PAK3: variants seen among roughly 807,000 people sequenced by gnomAD.
PAK3 encodes the protein serine/threonine-protein kinase PAK 3.
PAK3 carries 4 observed loss-of-function variants against 41.0 expected under a neutral mutation model. That is an observed-to-expected ratio of 0.10 (90% confidence interval 0.05 to 0.22). The LOEUF (loss-of-function observed/expected upper bound fraction) is 0.22. PAK3 is among the 10% of genes least tolerant of loss of function. The pLI, the probability that PAK3 is intolerant of heterozygous loss-of-function variation, is 1.00. For synonymous variants in PAK3, 146 were observed against 139.6 expected (o/e 1.05, Z -0.32); for missense variants, 205 against 409.9 (o/e 0.50, Z 4.32).
intron 1 of PAK3, among the ~76,000 whole-genome samples, chrX:110,961,300 T>G (rs1209054140): frequency 8.9e-6 from 1 of 111,844 alleles, no homozygotes; most frequent in Non-Finnish European, 1.9e-5. Context: ...TCCCTGTAAA[T>G]TGCTTGGAAA....
chrX:111,135,715 G>A (rs2093779989), intron 5 of PAK3, among the ~76,000 whole-genome samples: 1 of 111,711 alleles, frequency 9.0e-6, no homozygotes, highest in Non-Finnish European at 1.9e-5. Flanking sequence ...CAGAAAAGTA[G>A]CCATTGGTCA....
intron 1 of PAK3, among the ~76,000 whole-genome samples, chrX:111,029,024 C>A (rs2092308963): frequency 9.0e-6 from 1 of 111,404 alleles, no homozygotes; most frequent in Admixed American, 9.6e-5. Context: ...GTAATCCCAG[C>A]TATTTGAGAG....
chrX:111,189,548 A>G (rs978657074), intron 11 of PAK3, among the ~76,000 whole-genome samples: 2 of 111,795 alleles, frequency 1.8e-5, no homozygotes, highest in Non-Finnish European at 3.8e-5. Flanking sequence ...CCAGCAGGGT[A>G]TAAGTGTTCT....
At chrX:111,196,854 CT>C (rs375476309) in intron 16 of PAK3, among the ~76,000 whole-genome samples, 6,979 of 79,043 alleles carry the variant, frequency 0.088, 560 homozygotes, top group African/African-American at 0.26. Flanking sequence ...TTCTTTCTTT[CT>C]TTTTTTTTTT....
chrX:111,152,613 A>G (rs1430517654), intron 8 of PAK3, 166 bp downstream of exon 8: 1 of 415,296 alleles, frequency 2.4e-6, no homozygotes, highest in Non-Finnish European at 4.3e-6. Context: ...CAGTTCAATG[A>G]GTTTTGGTAA....
chrX:111,190,285 C>T (rs1250897278), intron 11 of PAK3, among the ~76,000 whole-genome samples: 1 of 111,440 alleles, frequency 9.0e-6, no homozygotes, highest in Non-Finnish European at 1.9e-5. Flanking sequence ...ATTTCCTGTA[C>T]TTTAAAAGCA....
At chrX:111,168,094 C>T (rs192285512) in intron 10 of PAK3, among the ~76,000 whole-genome samples, 16,177 of 110,882 alleles carry the variant, frequency 0.15, 2,455 homozygotes, top group African/African-American at 0.46. Flanking sequence ...TTTACTTTTT[C>T]TCAGAAATCA....
chrX:111,197,929 A>G (rs1236610881), intron 16 of PAK3, among the ~76,000 whole-genome samples: 1 of 112,141 alleles, frequency 8.9e-6, no homozygotes, highest in Non-Finnish European at 1.9e-5. Context: ...TCCTGGCCTC[A>G]AGTGATTGAC....
At chrX:111,033,633 G>C (rs780575933) in intron 1 of PAK3, among the ~76,000 whole-genome samples, 1 of 111,923 alleles carries the variant, frequency 8.9e-6, no homozygotes, top group African/African-American at 3.2e-5. Context: ...AGGAAAGGCT[G>C]GGGTGTCTGC....
intron 11 of PAK3, among the ~76,000 whole-genome samples, chrX:111,179,458 A>G (rs1333270989): frequency 9.0e-6 from 1 of 111,418 alleles, no homozygotes; most frequent in South Asian, 3.8e-4. Context: ...CTTACACAAA[A>G]ATAGGGAAAA....
chrX:111,107,769 T>C lies in PAK3; in HGVS notation c.-28+4463T>C, dbSNP rs145165586. On this transcript the variant is annotated intron_variant, in intron 4 of 17. Transcript: ENST00000372007. ...TTTGATAGCAAGAACTATATTATCT[T>C]ACTCATTTTGGTTTCTTGATGCCTA... Among the ~76,000 whole-genome samples the C allele has an allele frequency of 7.5e-3, 841 of 112,128 alleles. 15 individuals carry two copies. Among genetic ancestry groups the C allele is most frequent in the African/African-American group, 0.026 (804 of 30,875 alleles).
intron 1 of PAK3, among the ~76,000 whole-genome samples, chrX:111,084,803 C>CG: frequency 8.9e-6 from 1 of 112,316 alleles, no homozygotes; most frequent in Middle Eastern, 4.6e-3. Flanking sequence ...ACTATCCCTT[C>CG]GCCAACTCAG....
chrX:111,083,536 T>C (rs180896725), intron 1 of PAK3, among the ~76,000 whole-genome samples: 99 of 112,692 alleles, frequency 8.8e-4, no homozygotes, highest in African/African-American at 3.0e-3. Context: ...TTTATTCATA[T>C]GAACCCTCTC....
At chrX:111,131,450 G>A (rs1255533525) in intron 5 of PAK3, among the ~76,000 whole-genome samples, 3 of 111,089 alleles carry the variant, frequency 2.7e-5, no homozygotes, top group South Asian at 3.7e-4. Flanking sequence ...CTTATTCAGC[G>A]TGTACTGTCA....
chrX:111,006,849 C>CTTTCTTTCT (rs1556434441), intron 1 of PAK3, among the ~76,000 whole-genome samples: 8,530 of 42,667 alleles, frequency 0.2, 948 homozygotes, highest in South Asian at 0.32. Context: ...TTCTTTCTTT[C>CTTTCTTTCT]TTTTTTTTTT....
intron 12 of PAK3, 77 bp downstream of exon 12, chrX:111,192,252 C>A: frequency 2.9e-6 from 2 of 680,919 alleles, no homozygotes; most frequent in Admixed American, 2.4e-5. Flanking sequence ...ATGGCAACTT[C>A]GCCTAAAAAA....
At chrX:111,007,396 T>C (rs970667280) in intron 1 of PAK3, among the ~76,000 whole-genome samples, 6 of 111,798 alleles carry the variant, frequency 5.4e-5, no homozygotes, top group African/African-American at 2.0e-4. Flanking sequence ...AAGTTTATGA[T>C]ACAAGTCCCA....
intron 11 of PAK3, among the ~76,000 whole-genome samples, chrX:111,187,143 T>G (rs2094518936): frequency 8.9e-6 from 1 of 112,387 alleles, no homozygotes; most frequent in African/African-American, 3.2e-5. Context: ...TTAAAGCTTT[T>G]AATCATCATG....
At chrX:111,160,788 A>G (rs1275725579) in intron 8 of PAK3, among the ~76,000 whole-genome samples, 4 of 111,033 alleles carry the variant, frequency 3.6e-5, no homozygotes, top group Non-Finnish European at 7.5e-5. Context: ...CCTACAAAGG[A>G]CATGAACTCA....
Sources: allele counts gnomAD v4.1 joint callset (sites outside exome capture counted in the v4.1 genomes callset), GRCh38; gene constraint gnomAD v4.1.1; transcripts MANE v1.5; gene names NCBI Gene and HGNC (gene_info 2026-07-23, HGNC 2026-07-21).